Variants in LRRTM4 observed in about 807,000 individuals in gnomAD.
LRRTM4 encodes the protein leucine-rich repeat transmembrane neuronal protein 4.
A neutral mutation model predicts 47.6 loss-of-function variants in LRRTM4; 25 were observed. That is an observed-to-expected ratio of 0.53 (90% CI 0.38 to 0.73). The LOEUF is 0.73. Ranked by LOEUF, LRRTM4 falls within the 30% of genes least tolerant of loss-of-function variation. The pLI, the probability that LRRTM4 is intolerant of heterozygous loss-of-function variation, is 0.00. For missense variants in LRRTM4, 638 were observed against 713.4 expected, an observed-to-expected ratio of 0.89 and a Z score of 1.20; for synonymous variants, 311 against 269.5, an observed-to-expected ratio of 1.15 and a Z score of -1.51.
intron 3 of LRRTM4, among the ~76,000 whole-genome samples, chr2:77,193,497 T>C (rs1673729267): frequency 6.8e-6 from 1 of 146,644 alleles, no homozygotes; most frequent in Non-Finnish European, 1.5e-5. Context: ...TGCCTTGCTC[T>C]TTTTTTTTTT....
intron 3 of LRRTM4, among the ~76,000 whole-genome samples, chr2:76,902,750 T>C (rs1287996254): frequency 1.3e-5 from 2 of 152,326 alleles, no homozygotes; most frequent in African/African-American, 4.8e-5. Flanking sequence ...TATTTTTCAC[T>C]GAGCACTTGT....
At chr2:77,168,927 T>G (rs1672966822) in intron 3 of LRRTM4, among the ~76,000 whole-genome samples, 1 of 152,158 alleles carries the variant, frequency 6.6e-6, no homozygotes, top group African/African-American at 2.4e-5. Context: ...GTTTAACATA[T>G]GCAAGTTAAT....
At position 77,429,465 on chromosome 2, in the gene LRRTM4, G is replaced by T. The variant is rs7568848; in HGVS notation, c.1551+88853C>A. Among the ~76,000 whole-genome samples the T allele has an allele frequency of 6.8e-3, 1,030 of 152,106 alleles. 18 individuals carry two copies. Among genetic ancestry groups the T allele is most frequent in the African/African-American group, 0.023 (940 of 41,482 alleles). On this transcript the variant is annotated intron_variant, in intron 3 of 3. Coordinates refer to ENST00000409884, the MANE Select transcript of LRRTM4 (RefSeq NM_001134745.3). ...GAATCAACCTAAGTGTCCATCAAAA[G>T]ATGAGTGGATAAAGAAAATGTGATA...
intron 3 of LRRTM4, among the ~76,000 whole-genome samples, chr2:76,776,503 G>A (rs1674001174): frequency 6.6e-6 from 1 of 152,046 alleles, no homozygotes; most frequent in Non-Finnish European, 1.5e-5. Context: ...TTTCTCTGAT[G>A]GCCAGTGATG....
At chr2:76,913,507 G>A (rs1315177526) in intron 3 of LRRTM4, among the ~76,000 whole-genome samples, 1 of 141,930 alleles carries the variant, frequency 7.0e-6, no homozygotes, top group Non-Finnish European at 1.5e-5. Context: ...GATAAACTTT[G>A]TCACCTACTT....
At chr2:76,751,871 G>C (rs540192333) in intron 3 of LRRTM4, among the ~76,000 whole-genome samples, 1 of 152,212 alleles carries the variant, frequency 6.6e-6, no homozygotes, top group South Asian at 2.1e-4. Context: ...CAGCCCATTC[G>C]TACTCTCTTG....
chr2:77,487,626 G>T (rs1677969899), intron 3 of LRRTM4, among the ~76,000 whole-genome samples: 1 of 152,120 alleles, frequency 6.6e-6, no homozygotes, highest in Non-Finnish European at 1.5e-5. Context: ...GGACAGACAG[G>T]GGCAGTTCCC....
chr2:77,349,601 GAATA>G (rs1671686901), intron 3 of LRRTM4, among the ~76,000 whole-genome samples: 1 of 151,344 alleles, frequency 6.6e-6, no homozygotes, highest in African/African-American at 2.4e-5. Flanking sequence ...TTATAATAAA[GAATA>G]AATATGTAAA....
At chr2:77,011,623 CAT>C (rs1677879798) in intron 3 of LRRTM4, among the ~76,000 whole-genome samples, 1 of 150,832 alleles carries the variant, frequency 6.6e-6, no homozygotes, top group South Asian at 2.1e-4. Flanking sequence ...CTGAAACATA[CAT>C]ATGATTTCTA....
At chr2:77,019,746 T>C (rs984057987) in intron 3 of LRRTM4, among the ~76,000 whole-genome samples, 2 of 152,132 alleles carry the variant, frequency 1.3e-5, no homozygotes, top group Non-Finnish European at 2.9e-5. Context: ...TTAATGATAC[T>C]TATTATGTAG....
chr2:77,346,902 A>G (rs1177137965), intron 3 of LRRTM4, among the ~76,000 whole-genome samples: 3 of 152,034 alleles, frequency 2.0e-5, no homozygotes, highest in Non-Finnish European at 2.9e-5. Flanking sequence ...AATATGCACT[A>G]CTCAAAACAT....
At chr2:76,942,946 A>T (rs1276218841) in intron 3 of LRRTM4, among the ~76,000 whole-genome samples, 1 of 152,204 alleles carries the variant, frequency 6.6e-6, no homozygotes, top group Non-Finnish European at 1.5e-5. Flanking sequence ...AAGATTATTT[A>T]TCATTTAGTC....
At chr2:76,756,089 C>T (rs1317326562) in intron 3 of LRRTM4, among the ~76,000 whole-genome samples, 1 of 152,178 alleles carries the variant, frequency 6.6e-6, no homozygotes, top group African/African-American at 2.4e-5. Flanking sequence ...AAGTCATGCA[C>T]CCCTACAGAT....
chr2:76,809,181 A>G (rs1218822817), intron 3 of LRRTM4, among the ~76,000 whole-genome samples: 1 of 152,230 alleles, frequency 6.6e-6, no homozygotes. Flanking sequence ...CCAGTGATAA[A>G]TAACATTAAC....
rs190637219 is a variant in LRRTM4 at position 77,512,005 on chromosome 2, G to A, written c.1551+6313C>T. 2.5e-3 allele frequency among the ~76,000 whole-genome samples: 388 copies of A among 152,204 alleles called. 3 individuals are homozygous for A. The highest frequency in any genetic ancestry group is 9.1e-3 in the African/African-American group (378 of 41,562). On this transcript the variant is annotated intron_variant, in intron 3 of 3. Transcript: ENST00000409884. ...AGTTTTGCCCAGGTTGGAGCACAGA[G>A]GCTATTCATAGGCTCAAACATAGCT...
intron 3 of LRRTM4, among the ~76,000 whole-genome samples, chr2:77,193,396 T>A (rs550824229): frequency 6.6e-6 from 1 of 152,260 alleles, no homozygotes; most frequent in African/African-American, 2.4e-5. Context: ...GTTGAAAAAA[T>A]TTAAATATTG....
At chr2:77,220,096 G>A (rs1214770606) in intron 3 of LRRTM4, among the ~76,000 whole-genome samples, 1 of 152,108 alleles carries the variant, frequency 6.6e-6, no homozygotes, top group Non-Finnish European at 1.5e-5. Context: ...AGGCAAACAG[G>A]GTCTGGAGTG....
intron 3 of LRRTM4, among the ~76,000 whole-genome samples, chr2:77,336,386 G>A (rs577679929): frequency 2.6e-5 from 4 of 152,180 alleles, no homozygotes; most frequent in Non-Finnish European, 4.4e-5. Flanking sequence ...TTACCAGTTA[G>A]CTCATAATTT....
At chr2:77,393,033 T>C (rs921793958) in intron 3 of LRRTM4, among the ~76,000 whole-genome samples, 6 of 151,980 alleles carry the variant, frequency 3.9e-5, no homozygotes, top group Non-Finnish European at 5.9e-5. Context: ...CACCAATAAA[T>C]AATCAAAGGT....
Sources: allele counts gnomAD v4.1 joint callset (sites outside exome capture counted in the v4.1 genomes callset), GRCh38; gene constraint gnomAD v4.1.1; transcripts MANE v1.5; gene names NCBI Gene and HGNC (gene_info 2026-07-23, HGNC 2026-07-21).